EFCAB12: variants seen among roughly 807,000 people sequenced by gnomAD.
EFCAB12 encodes EF-hand calcium-binding domain-containing protein 12.
EFCAB12 carries 43 observed loss-of-function variants against 53.6 expected under a neutral mutation model. That is an observed-to-expected ratio of 0.80 (90% CI 0.63 to 1.03). EFCAB12 has a LOEUF of 1.03. Among genes scored for constraint, EFCAB12 ranks in the 50% least tolerant of loss-of-function variants. The pLI, the probability that EFCAB12 is intolerant of heterozygous loss-of-function variation, is 0.00. For missense variants in EFCAB12, 646 were observed against 730.6 expected (o/e 0.88, Z 1.34); for synonymous variants, 269 against 289.2 (o/e 0.93, Z 0.71).
At chr3:129,426,359 G>GTTTTTTTTTTTTTT (rs71620055) in intron 1 of EFCAB12, among the ~76,000 whole-genome samples, 21 of 87,814 alleles carry the variant, frequency 2.4e-4, no homozygotes, top group African/African-American at 4.1e-4. Flanking sequence ...GTTTTTTTTT[G>GTTTTTTTTTTTTTT]TTTTTTTTTT....
At chr3:129,403,794 A>G (rs1175561049) in intron 7 of EFCAB12, 1 of 152,674 alleles carries the variant, frequency 6.5e-6, no homozygotes, top group East Asian at 1.9e-4. Context: ...TCCCGGGGAA[A>G]TGTTCTTTTA....
At position 129,422,572 on chromosome 3, in the gene EFCAB12, T is replaced by A. The variant is rs577645722; in HGVS notation, c.50-769A>T. Among the ~76,000 whole-genome samples, 8 of 152,122 alleles carry A rather than the reference T, an allele frequency of 5.3e-5. No homozygotes were observed. The East Asian group carries it at 1.4e-3, about 26-fold the overall frequency. Reference sequence around the variant, plus strand: ...TCCTCCCTCTAGCAGGAGTGCTCCCTCCCCATCCACACCCTGGGCACTCTT... The same window carrying A: ...TCCTCCCTCTAGCAGGAGTGCTCCCACCCCATCCACACCCTGGGCACTCTT... On this transcript the variant is annotated intron_variant, in intron 1 of 8. Coordinates refer to ENST00000505956, the MANE Select transcript of EFCAB12 (RefSeq NM_207307.3).
At chr3:129,414,519 T>C (rs139843622) in intron 4 of EFCAB12, 2 of 152,360 alleles carry the variant, frequency 1.3e-5, no homozygotes, top group African/African-American at 4.8e-5. Context: ...TGTGGCTATG[T>C]TTGGGAAGGG....
Position 129,418,429 on chromosome 3 carries a change from G to T in EFCAB12, c.506C>A (p.Ser169Tyr). The T allele has an allele frequency of 6.2e-7, 1 of 1,609,538 alleles. No homozygotes were observed. Among genetic ancestry groups the T allele is most frequent in the Non-Finnish European group, 8.5e-7 (1 of 1,177,900 alleles). The change falls in exon 3 of 9, where the codon TCC becomes TAC. Residue 169 changes from serine to tyrosine, a missense_variant. By Grantham distance (144) the Ser-to-Tyr change is moderately radical (BLOSUM62 -2). Transcript: ENST00000505956. ...RTTRKKAPRLSRLSRQMVPQL... is the reference protein window; with the variant it reads ...RTTRKKAPRLYRLSRQMVPQL... ...GGGCACCATCTGGCGGGACAGCCGG[G>T]AGAGCCTGGGGGCTTTCTTCTGGAA...
Position 129,415,281 on chromosome 3 carries a change from C to T in EFCAB12, c.802G>A (p.Ala268Thr). ...GTGGCCAGGCTGCTCCTTTGCTGAG[C>T]CATAGACCACTGCTTGTAGGTATTG... ...LANTYKQWSMAQQRSSLATAR... is the reference protein window; with the variant it reads ...LANTYKQWSMTQQRSSLATAR... Residue 268 changes from alanine to threonine, a missense_variant, in exon 4 of 9, where the codon GCT (alanine) becomes ACT (threonine). Ala to Thr is a moderately conservative substitution (Grantham distance 58). Transcript: ENST00000505956. 1 of 1,612,390 alleles carries T rather than the reference C, an allele frequency of 6.2e-7. No individual in the cohort carries two copies. Among genetic ancestry groups the T allele is most frequent in the Non-Finnish European group, 8.5e-7 (1 of 1,179,688 alleles).
chr3:129,415,231 G>T lies in EFCAB12; in HGVS notation c.838+14C>A, dbSNP rs1164951817. ...ACGGGGAGGTGGAGGCACAGGATGGGGAGGGGTACGCACGCTCCCTTGCAG... is the reference window on the plus strand; with the variant it reads ...ACGGGGAGGTGGAGGCACAGGATGGTGAGGGGTACGCACGCTCCCTTGCAG... On this transcript the variant is annotated intron_variant, in intron 4 of 8. Transcript: ENST00000505956. The T allele has an allele frequency of 6.3e-7, 1 of 1,577,630 alleles. No individual in the cohort carries two copies. The highest frequency in any genetic ancestry group is 2.4e-5 in the East Asian group (1 of 42,022).
chr3:129,425,633 G>C (rs752748138), intron 1 of EFCAB12, among the ~76,000 whole-genome samples: 3 of 152,200 alleles, frequency 2.0e-5, no homozygotes, highest in Non-Finnish European at 2.9e-5. Flanking sequence ...TCCTCAGGGA[G>C]CTTCATTCTA....
At chr3:129,427,274 G>A (rs182973103) in intron 1 of EFCAB12, among the ~76,000 whole-genome samples, 1 of 152,162 alleles carries the variant, frequency 6.6e-6, no homozygotes, top group African/African-American at 2.4e-5. Context: ...ACAGGCGTGA[G>A]ATACTGTGCC....
At chr3:129,419,834 T>G (rs1340199360) in intron 2 of EFCAB12, among the ~76,000 whole-genome samples, 1 of 152,258 alleles carries the variant, frequency 6.6e-6, no homozygotes, top group African/African-American at 2.4e-5. Flanking sequence ...ACCCTGGAAG[T>G]AAGACCGTGT....
chr3:129,408,117 A>C (rs2071977299), intron 6 of EFCAB12, among the ~76,000 whole-genome samples: 1 of 152,170 alleles, frequency 6.6e-6, no homozygotes, highest in Non-Finnish European at 1.5e-5. Flanking sequence ...TGGAAATCTC[A>C]GGGCTGAGTC....
chr3:129,424,777 G>A (rs771728668), intron 1 of EFCAB12, among the ~76,000 whole-genome samples: 19 of 152,162 alleles, frequency 1.2e-4, no homozygotes, highest in Non-Finnish European at 2.2e-4. Context: ...CCAGGGCTTG[G>A]TGCTGAACCA....
At chr3:129,402,331 A>C (rs1373057237) in intron 8 of EFCAB12, among the ~76,000 whole-genome samples, 192 bp downstream of exon 8, 3 of 152,060 alleles carry the variant, frequency 2.0e-5, no homozygotes, top group Non-Finnish European at 2.9e-5. Context: ...TGTTGGGAGG[A>C]TCTGAGTGAG....
At chr3:129,416,438 C>G (rs1417721447) in intron 3 of EFCAB12, among the ~76,000 whole-genome samples, 4 of 149,894 alleles carry the variant, frequency 2.7e-5, no homozygotes, top group Non-Finnish European at 5.9e-5. Flanking sequence ...AACAAACAAA[C>G]AAACAAACAA....
At position 129,426,372 on chromosome 3, in the gene EFCAB12, T is replaced by TG. The variant is rs1177717096; in HGVS notation, c.49+2067_49+2068insC. Among the ~76,000 whole-genome samples, 10 of 145,390 alleles carry TG rather than the reference T, an allele frequency of 6.9e-5. No individual in the cohort carries two copies. The East Asian group carries it at 1.6e-3, about 23-fold the overall frequency. ...GGGTTTTTTTTTGTTTTTTTTTTTTTTTTTTTTTTTGAGACGGACTCTTGC... is the reference window on the plus strand; with the variant it reads ...GGGTTTTTTTTTGTTTTTTTTTTTTTGTTTTTTTTTTGAGACGGACTCTTGC... On this transcript the variant is annotated intron_variant, in intron 1 of 8. Transcript: ENST00000505956.
At chr3:129,417,336 AAAAC>A (rs2072129229) in intron 3 of EFCAB12, among the ~76,000 whole-genome samples, 1 of 135,184 alleles carries the variant, frequency 7.4e-6, no homozygotes. Context: ...AAAAAAAAAA[AAAAC>A]CAAAAAAAAA....
rs550342954 is a variant in EFCAB12, at chr3:129,409,600, GA to G, written c.1036-743del. Among the ~76,000 whole-genome samples, 12 of 150,542 alleles carry G rather than the reference GA, an allele frequency of 8.0e-5. No homozygotes were observed. The South Asian group carries it at 8.4e-4, about 11-fold the overall frequency. On this transcript the variant is annotated intron_variant, in intron 5 of 8. Coordinates refer to ENST00000505956, the MANE Select transcript of EFCAB12 (RefSeq NM_207307.3). ...TGCCACCACCTTGTTTTTTAACAAG[GA>G]AAAAAAAACCCTAACTTTTAAAGCT...
At chr3:129,415,451 T>A in intron 3 of EFCAB12, 50 bp from the exon 4 acceptor site, 1 of 1,605,464 alleles carries the variant, frequency 6.2e-7, no homozygotes, top group South Asian at 1.1e-5. Context: ...CCAAACATCC[T>A]GCTCTGATGG....
In EFCAB12 at chr3:129,408,848, G is replaced by A. The variant is rs1262202303; in HGVS notation, c.1046C>T (p.Pro349Leu). 2.5e-6 allele frequency: 4 copies of A among 1,568,860 alleles called. No individual in the cohort carries two copies. In the Admixed American group the frequency reaches 7.5e-5, roughly 29 times the overall value. Reference sequence around the variant, plus strand: ...ACATTGCTCCGTGTACTGGATGGAGGGGATCGTGAGCTGCGAAGGAAGCAG... The same window carrying A: ...ACATTGCTCCGTGTACTGGATGGAGAGGATCGTGAGCTGCGAAGGAAGCAG... ...ERQRQHKLTIPSIQYTEQCHL... is the reference protein window; with the variant it reads ...ERQRQHKLTILSIQYTEQCHL... Residue 349 changes from proline to leucine, a missense_variant, in exon 6 of 9, where the codon CCC becomes CTC. Transcript: ENST00000505956.
In EFCAB12 at chr3:129,415,231, G is replaced by A; in HGVS notation, c.838+14C>T. 1 of 1,577,630 alleles carries A rather than the reference G, an allele frequency of 6.3e-7. No individual in the cohort carries two copies. Among genetic ancestry groups the A allele is most frequent in the Non-Finnish European group, 8.6e-7 (1 of 1,162,956 alleles). On this transcript the variant is annotated intron_variant, in intron 4 of 8. Coordinates refer to ENST00000505956, the MANE Select transcript of EFCAB12 (RefSeq NM_207307.3). Reference sequence around the variant, plus strand: ...ACGGGGAGGTGGAGGCACAGGATGGGGAGGGGTACGCACGCTCCCTTGCAG... The same window carrying A: ...ACGGGGAGGTGGAGGCACAGGATGGAGAGGGGTACGCACGCTCCCTTGCAG...
Sources: gnomAD v4.1 joint callset for allele counts (sites outside exome capture counted in the v4.1 genomes callset) on GRCh38, gnomAD v4.1.1 for gene constraint, MANE v1.5 for transcripts, NCBI Gene and HGNC (gene_info 2026-07-23, HGNC 2026-07-21) for gene names.